The following DNAJC13 variants were observed in gnomAD, a reference collection of about 807,000 sequenced individuals.
DNAJC13 encodes the protein DnaJ heat shock protein family (Hsp40) member C13.
A neutral mutation model predicts 290.5 loss-of-function variants in DNAJC13; 75 were observed. That is an observed-to-expected ratio of 0.26 (90% CI 0.21 to 0.31). The LOEUF is 0.31. Ranked by LOEUF, DNAJC13 falls within the 10% of genes least tolerant of loss-of-function variation. DNAJC13 has a pLI of 1.00. For missense variants in DNAJC13, 2,260 were observed against 2,674.5 expected (o/e 0.85, Z 3.42); for synonymous variants, 862 against 892.0 (o/e 0.97, Z 0.60).
At position 132,528,302 on chromosome 3, in the gene DNAJC13, A is replaced by C; in HGVS notation, c.6495A>C (p.Ala2165=). 5 of 1,614,198 alleles carry C rather than the reference A, an allele frequency of 3.1e-6. No homozygotes were observed. Among genetic ancestry groups the C allele is most frequent in the Non-Finnish European group, 4.2e-6 (5 of 1,180,008 alleles). ...CTCAGATTGTTAAAGCTCTCAAGGCAATGACTCGAAGTTTGCAGTATGGAG... is the reference window on the plus strand; with the variant it reads ...CTCAGATTGTTAAAGCTCTCAAGGCCATGACTCGAAGTTTGCAGTATGGAG... The part of the protein sequence containing the change: ...TKAQIVKALK[A]MTRSLQYGEQ... The change falls in exon 54 of 56, where the codon GCA becomes GCC. Residue 2165 remains alanine, a synonymous_variant. Coordinates refer to ENST00000260818, the MANE Select transcript of DNAJC13 (RefSeq NM_015268.4).
At chr3:132,458,500 T>C (rs1017280740) in intron 13 of DNAJC13, among the ~76,000 whole-genome samples, 1 of 152,096 alleles carries the variant, frequency 6.6e-6, no homozygotes, top group African/African-American at 2.4e-5. Flanking sequence ...GGCTCCCCTA[T>C]CAGGAAATTG....
rs931816918 is a variant in DNAJC13, at chr3:132,483,511, A to G, written c.3116A>G (p.Asn1039Ser). 5 of 1,614,046 alleles carry G rather than the reference A, an allele frequency of 3.1e-6. No homozygotes were observed. Among genetic ancestry groups the G allele is most frequent in the African/African-American group, 1.3e-5 (1 of 74,920 alleles). ...CLLASGQAVL[N>S]ETDLATLILN... Reference sequence around the variant, plus strand: ...TTAGCCAGTGGACAGGCTGTCCTGAATGAAACTGACCTTGCTACCCTTATA... The same window carrying G: ...TTAGCCAGTGGACAGGCTGTCCTGAGTGAAACTGACCTTGCTACCCTTATA... Residue 1039 changes from asparagine (N) to serine (S), a missense_variant, in exon 28 of 56, where the codon AAT becomes AGT. Asn to Ser is a conservative substitution (Grantham distance 46). Transcript: ENST00000260818.
chr3:132,432,843 T>C (rs1939277603), intron 1 of DNAJC13, among the ~76,000 whole-genome samples: 1 of 152,244 alleles, frequency 6.6e-6, no homozygotes, highest in Non-Finnish European at 1.5e-5. Flanking sequence ...TGATCTGTTC[T>C]ATATCCTGTT....
intron 48 of DNAJC13, among the ~76,000 whole-genome samples, chr3:132,519,857 A>G (rs933395489): frequency 1.6e-4 from 24 of 152,176 alleles, no homozygotes; most frequent in African/African-American, 5.1e-4. Context: ...GGCAATTTAC[A>G]AAAGAAAGAG....
chr3:132,427,722 C>G (rs978221131), intron 1 of DNAJC13, among the ~76,000 whole-genome samples: 22 of 152,072 alleles, frequency 1.4e-4, no homozygotes, highest in African/African-American at 4.1e-4. Flanking sequence ...AGAATTTCCC[C>G]CCAAAATGCT....
intron 48 of DNAJC13, among the ~76,000 whole-genome samples, chr3:132,522,567 A>T (rs1936123846): frequency 6.6e-6 from 1 of 152,070 alleles, no homozygotes; most frequent in Non-Finnish European, 1.5e-5. Context: ...TGAAAATGAA[A>T]CTTTTTTGGT....
intron 2 of DNAJC13, among the ~76,000 whole-genome samples, chr3:132,441,555 AAT>A (rs1373209688): frequency 3.3e-5 from 5 of 152,238 alleles, no homozygotes; most frequent in African/African-American, 1.2e-4. Flanking sequence ...CTTTAAAAGT[AAT>A]ACAGGTACAC....
At chr3:132,427,434 G>C (rs1192401982) in intron 1 of DNAJC13, among the ~76,000 whole-genome samples, 5 of 151,986 alleles carry the variant, frequency 3.3e-5, no homozygotes, top group Admixed American at 3.3e-4. Flanking sequence ...ATCGCACCCG[G>C]CAATATTTTT....
At chr3:132,513,184 T>G (rs1935830310) in intron 45 of DNAJC13, 85 bp downstream of exon 45, 3 of 1,167,950 alleles carry the variant, frequency 2.6e-6, no homozygotes, top group Non-Finnish European at 3.8e-6. Flanking sequence ...TTGTCTGAAG[T>G]TGAAGTGTGC....
intron 6 of DNAJC13, among the ~76,000 whole-genome samples, chr3:132,452,292 C>T (rs992718795): frequency 6.6e-6 from 1 of 152,168 alleles, no homozygotes; most frequent in African/African-American, 2.4e-5. Flanking sequence ...CACTGTAAGA[C>T]ACTAGCTAAA....
intron 20 of DNAJC13, among the ~76,000 whole-genome samples, chr3:132,470,572 G>T (rs1934171559): frequency 7.1e-6 from 1 of 141,276 alleles, no homozygotes; most frequent in African/African-American, 2.7e-5. Flanking sequence ...GCCGGGCAGA[G>T]GCGCCCCTCA....
chr3:132,449,487 C>T (rs935599524), intron 5 of DNAJC13, among the ~76,000 whole-genome samples: 17 of 152,230 alleles, frequency 1.1e-4, no homozygotes, highest in South Asian at 6.2e-4. Flanking sequence ...TCTTTTGGTT[C>T]AGAATCAAGG....
chr3:132,493,434 A>G (rs564399975), intron 33 of DNAJC13, among the ~76,000 whole-genome samples: 1 of 152,162 alleles, frequency 6.6e-6, no homozygotes, highest in Admixed American at 6.6e-5. Context: ...GAGATACTAG[A>G]TACAGGCTTT....
chr3:132,475,100 T>C lies in DNAJC13; in HGVS notation c.2445+15T>C, dbSNP rs774494836. ...ATGAGTTTGAGGTAAAGTTTGATTTTTCCAGTATATTAATCTTAAAAAATA... is the reference window on the plus strand; with the variant it reads ...ATGAGTTTGAGGTAAAGTTTGATTTCTCCAGTATATTAATCTTAAAAAATA... On this transcript the variant is annotated intron_variant, in intron 22 of 55. Coordinates refer to ENST00000260818, the MANE Select transcript of DNAJC13 (RefSeq NM_015268.4). 2 of 1,563,776 alleles carry C rather than the reference T, an allele frequency of 1.3e-6. No individual in the cohort carries two copies. The highest frequency in any genetic ancestry group is 2.4e-5 in the South Asian group (2 of 82,598).
intron 22 of DNAJC13, among the ~76,000 whole-genome samples, chr3:132,476,227 T>A (rs1190061968): frequency 6.6e-6 from 1 of 152,258 alleles, no homozygotes; most frequent in Non-Finnish European, 1.5e-5. Flanking sequence ...TTCTATCTCA[T>A]AATTGGATAT....
Position 132,453,832 on chromosome 3 carries a change from A to G in DNAJC13, c.840+138A>G, listed in dbSNP as rs185762958. On this transcript the variant is annotated intron_variant, in intron 8 of 55. Coordinates refer to ENST00000260818, the MANE Select transcript of DNAJC13 (RefSeq NM_015268.4). ...TCTGTATTTAACTCTTAACATATTT[A>G]TATTAATTGATCATAGAACAATGAT... The G allele has an allele frequency of 5.5e-4, 427 of 771,040 alleles. 4 individuals are homozygous for G. The African/African-American group carries it at 7.1e-3, about 13-fold the overall frequency. 47.8% of individuals were successfully genotyped at this position (771,040 alleles called of 1,614,324 possible).
chr3:132,449,013 T>G (rs1933340594), intron 5 of DNAJC13, among the ~76,000 whole-genome samples: 1 of 152,216 alleles, frequency 6.6e-6, no homozygotes, highest in African/African-American at 2.4e-5. Flanking sequence ...TTGTACCAGT[T>G]AACTTCAGCC....
intron 41 of DNAJC13, among the ~76,000 whole-genome samples, chr3:132,504,654 A>G (rs551647528): frequency 1.3e-5 from 2 of 152,218 alleles, no homozygotes; most frequent in Non-Finnish European, 2.9e-5. Context: ...TCCTATTAGC[A>G]GTAGACCTCT....
intron 35 of DNAJC13, among the ~76,000 whole-genome samples, chr3:132,495,924 G>A (rs537718320): frequency 6.6e-6 from 1 of 152,194 alleles, no homozygotes; most frequent in Non-Finnish European, 1.5e-5. Flanking sequence ...TAAATTGCTA[G>A]ACTTATCAGA....
Sources: allele counts gnomAD v4.1 joint callset (sites outside exome capture counted in the v4.1 genomes callset), GRCh38; gene constraint gnomAD v4.1.1; transcripts MANE v1.5; gene names NCBI Gene and HGNC (gene_info 2026-07-23, HGNC 2026-07-21).